The following CNTNAP5 variants were observed in gnomAD, a reference collection of about 807,000 sequenced individuals.
CNTNAP5 encodes contactin associated protein family member 5.
Under a neutral mutation model 150.2 loss-of-function variants are expected in CNTNAP5, and 72 were observed. The ratio of observed to expected loss-of-function variants is 0.48; its 90% CI spans 0.40 to 0.58. The LOEUF (loss-of-function observed/expected upper bound fraction) is 0.58. Ranked by LOEUF, CNTNAP5 falls within the 20% of genes least tolerant of loss-of-function variation. The pLI is 0.00. For missense variants in CNTNAP5, 1,636 were observed against 1,626.2 expected, an observed-to-expected ratio of 1.01 and a Z score of -0.10; for synonymous variants, 672 against 619.8, an observed-to-expected ratio of 1.08 and a Z score of -1.25.
At chr2:124,077,372 A>G (rs1346286748) in intron 1 of CNTNAP5, among the ~76,000 whole-genome samples, 1 of 152,156 alleles carries the variant, frequency 6.6e-6, no homozygotes, top group Non-Finnish European at 1.5e-5. Context: ...CTCCTAAACT[A>G]AGCTGTGTGA....
At position 124,764,769 on chromosome 2, in the gene CNTNAP5, T is replaced by C. The variant is rs1681032248; in HGVS notation, c.2533+622T>C. On this transcript the variant is annotated intron_variant, in intron 16 of 23. Transcript: ENST00000682447. ...ATACAGATGGTGACATTTCCTATAA[T>C]TAAACATTTTGTATATAATCATACT... is the stretch of plus-strand genomic sequence containing the variant. 3.3e-5 allele frequency among the ~76,000 whole-genome samples: 5 copies of C among 152,126 alleles called. 1 individual carries two copies. The highest frequency in any genetic ancestry group is 2.6e-4 in the Admixed American group (4 of 15,254).
intron 19 of CNTNAP5, among the ~76,000 whole-genome samples, chr2:124,850,538 C>A (rs1298806578): frequency 1.3e-5 from 2 of 152,180 alleles, no homozygotes; most frequent in Admixed American, 6.5e-5. Flanking sequence ...GACAAGTGGA[C>A]CTGCTGATAT....
intron 3 of CNTNAP5, among the ~76,000 whole-genome samples, chr2:124,247,986 A>C (rs1285480335): frequency 6.6e-6 from 1 of 152,176 alleles, no homozygotes; most frequent in Non-Finnish European, 1.5e-5. Flanking sequence ...ACAGATATTA[A>C]TTTCAGTTTT....
At chr2:124,561,270 G>C (rs566464473) in intron 10 of CNTNAP5, among the ~76,000 whole-genome samples, 2 of 152,186 alleles carry the variant, frequency 1.3e-5, no homozygotes, top group South Asian at 2.1e-4. Flanking sequence ...AGGAAACAGC[G>C]TGTGGGGACA....
Position 124,113,504 on chromosome 2 carries a change from A to ATGTG in CNTNAP5, c.82+87773_82+87774insGTGT, listed in dbSNP as rs199692680. Among the ~76,000 whole-genome samples the ATGTG allele has an allele frequency of 3.0e-3, 351 of 115,370 alleles. 1 individual carries two copies. Among genetic ancestry groups the ATGTG allele is most frequent in the African/African-American group, 8.1e-3 (250 of 30,782 alleles). The allele number at this position is 115,370 out of a possible 152,430, so 75.7% of individuals were successfully genotyped here. ...ATATATCTATTCAACTGATACATAT[A>ATGTG]TATGTGTGTGTGTGTGTGTGTGTGT... On this transcript the variant is annotated intron_variant, in intron 1 of 23. Transcript: ENST00000682447.
intron 12 of CNTNAP5, among the ~76,000 whole-genome samples, chr2:124,613,712 G>A (rs554628774): frequency 3.4e-4 from 52 of 152,190 alleles, no homozygotes; most frequent in African/African-American, 1.1e-3. Context: ...TGTCCTGGGA[G>A]ATGTAAGTCT....
chr2:124,113,202 A>G (rs186268748), intron 1 of CNTNAP5, among the ~76,000 whole-genome samples: 3 of 152,290 alleles, frequency 2.0e-5, no homozygotes, highest in Admixed American at 2.0e-4. Context: ...GATTCATAGT[A>G]GCTAGAAGCT....
At chr2:124,619,902 C>T (rs1052499562) in intron 12 of CNTNAP5, among the ~76,000 whole-genome samples, 6 of 105,968 alleles carry the variant, frequency 5.7e-5, no homozygotes, top group Non-Finnish European at 1.1e-4. Context: ...CTCTCACTGT[C>T]TCATTCATAT....
chr2:124,164,522 C>T (rs889177429), intron 1 of CNTNAP5, among the ~76,000 whole-genome samples: 19 of 152,052 alleles, frequency 1.2e-4, no homozygotes, highest in Non-Finnish European at 2.4e-4. Context: ...GAGGAAGTGA[C>T]ATTTGAACAG....
chr2:124,590,542 G>C (rs113129466), intron 11 of CNTNAP5, among the ~76,000 whole-genome samples: 2 of 152,134 alleles, frequency 1.3e-5, no homozygotes, highest in African/African-American at 4.8e-5. Context: ...CAAACCTACC[G>C]CACAAGGGGT....
rs1445890686 is a variant in CNTNAP5 at position 124,490,221 on chromosome 2, C to A, written c.1063-14071C>A. Among the ~76,000 whole-genome samples the A allele has an allele frequency of 5.3e-5, 8 of 151,948 alleles. No homozygotes were observed. In the South Asian group the frequency reaches 1.0e-3, roughly 20 times the overall value. On this transcript the variant is annotated intron_variant, in intron 7 of 23. Transcript: ENST00000682447. ...TGGTGGTGTACACCTATAGTCCCAG[C>A]TACTTGGGAGGCTGAGGCAGGAGAA...
At chr2:124,882,481 T>A (rs971066556) in intron 21 of CNTNAP5, among the ~76,000 whole-genome samples, 1 of 152,090 alleles carries the variant, frequency 6.6e-6, no homozygotes, top group African/African-American at 2.4e-5. Context: ...ATTAAAAGAC[T>A]AGAGAAAGGA....
At chr2:124,746,021 C>A (rs1388753932) in intron 13 of CNTNAP5, among the ~76,000 whole-genome samples, 2 of 152,170 alleles carry the variant, frequency 1.3e-5, no homozygotes, top group Non-Finnish European at 2.9e-5. Flanking sequence ...AAACTAGAAT[C>A]TTGATTAGGC....
At chr2:124,723,826 AT>A (rs1398488245) in intron 13 of CNTNAP5, among the ~76,000 whole-genome samples, 1 of 152,054 alleles carries the variant, frequency 6.6e-6, no homozygotes, top group African/African-American at 2.4e-5. Flanking sequence ...AAACAGCGTC[AT>A]TTTAGCTTAA....
rs536602277 is a variant in CNTNAP5 at position 124,100,970 on chromosome 2, C to G, written c.82+75238C>G. On this transcript the variant is annotated intron_variant, in intron 1 of 23. Coordinates refer to ENST00000682447, the MANE Select transcript of CNTNAP5 (RefSeq NM_001367498.1). ...AATTCTTAATTCATGATTCCTGAAT[C>G]GATGCACTTGAAAAAGAGAAAAAAG... 4.6e-5 allele frequency among the ~76,000 whole-genome samples: 7 copies of G among 151,654 alleles called. No individual in the cohort carries two copies. The South Asian group carries it at 1.5e-3, about 32-fold the overall frequency.
intron 3 of CNTNAP5, among the ~76,000 whole-genome samples, chr2:124,291,688 A>G (rs1688298211): frequency 6.6e-6 from 1 of 152,160 alleles, no homozygotes; most frequent in Non-Finnish European, 1.5e-5. Flanking sequence ...TCTGTTTTGT[A>G]TGCCTTGAAA....
intron 3 of CNTNAP5, among the ~76,000 whole-genome samples, chr2:124,348,316 C>T (rs1195663329): frequency 1.3e-5 from 2 of 151,810 alleles, no homozygotes; most frequent in African/African-American, 4.8e-5. Flanking sequence ...AATTTTATTT[C>T]ATTTCTTGCT....
intron 1 of CNTNAP5, among the ~76,000 whole-genome samples, chr2:124,115,719 G>A (rs1166902389): frequency 1.8e-4 from 26 of 147,694 alleles, no homozygotes; most frequent in Non-Finnish European, 1.5e-5. Flanking sequence ...TACGATCAAG[G>A]CTTGCTTCAG....
chr2:124,451,051 AAT>A lies in CNTNAP5; in HGVS notation c.918+4140_918+4141del, dbSNP rs1553469335. Among the ~76,000 whole-genome samples the A allele has an allele frequency of 3.0e-3, 194 of 65,250 alleles. 5 individuals carry two copies. Among genetic ancestry groups the A allele is most frequent in the South Asian group, 4.6e-3 (7 of 1,532 alleles). 42.8% of individuals were successfully genotyped at this position (65,250 alleles called of 152,430 possible). A position where few individuals can be genotyped will look rare whatever the true frequency, so the allele number is the denominator to read the frequency against. On this transcript the variant is annotated intron_variant, in intron 6 of 23. Coordinates refer to ENST00000682447, the MANE Select transcript of CNTNAP5 (RefSeq NM_001367498.1). ...TCTTAAAAAAAAAAAAAAAAAAAAAAATATATATATATATATATATATATATA... is the reference window on the plus strand; with the variant it reads ...TCTTAAAAAAAAAAAAAAAAAAAAAAATATATATATATATATATATATATA...
Sources: allele counts gnomAD v4.1 joint callset (sites outside exome capture counted in the v4.1 genomes callset), GRCh38; gene constraint gnomAD v4.1.1; transcripts MANE v1.5; gene names NCBI Gene and HGNC (gene_info 2026-07-23, HGNC 2026-07-21).